The following GNAO1 variants were observed in gnomAD, a reference collection of about 807,000 sequenced individuals.
GNAO1 encodes the protein guanine nucleotide-binding protein G(o) subunit alpha.
For synonymous variants in GNAO1, 164 were observed against 180.7 expected (o/e 0.91, Z 0.74); for missense variants, 166 against 478.7 (o/e 0.35, Z 6.10).
chr16:56,262,602 C>T (rs1435929859), intron 2 of GNAO1, among the ~76,000 whole-genome samples: 3 of 152,116 alleles, frequency 2.0e-5, no homozygotes, highest in African/African-American at 4.8e-5. Context: ...GCCGTACTTG[C>T]GCATTCTCCA....
chr16:56,256,427 G>A (rs922430959), intron 2 of GNAO1, among the ~76,000 whole-genome samples: 3 of 152,168 alleles, frequency 2.0e-5, no homozygotes, highest in African/African-American at 7.2e-5. Context: ...AGTTCTTTCC[G>A]GCATCCATGG....
intron 2 of GNAO1, among the ~76,000 whole-genome samples, chr16:56,238,934 T>C (rs2036668319): frequency 6.6e-6 from 1 of 152,388 alleles, no homozygotes; most frequent in African/African-American, 2.4e-5. Flanking sequence ...CACATAATTT[T>C]ATTGGCCCTC....
chr16:56,325,345 A>G (rs1383211869), intron 3 of GNAO1, among the ~76,000 whole-genome samples: 8 of 152,180 alleles, frequency 5.3e-5, no homozygotes, highest in Non-Finnish European at 8.8e-5. Context: ...GCGTGGTGGC[A>G]CATGCCTGTA....
intron 2 of GNAO1, among the ~76,000 whole-genome samples, chr16:56,256,738 G>A (rs534226243): frequency 1.1e-4 from 17 of 151,268 alleles, no homozygotes; most frequent in Non-Finnish European, 2.4e-4. Context: ...GTGTGTGTGT[G>A]TGTGTGTGTG....
At chr16:56,266,506 G>A (rs1010496185) in intron 2 of GNAO1, among the ~76,000 whole-genome samples, 1 of 152,170 alleles carries the variant, frequency 6.6e-6, no homozygotes, top group Admixed American at 6.5e-5. Flanking sequence ...TTCAAAACAT[G>A]GATACTGTCT....
chr16:56,342,152 G>A lies in GNAO1; in HGVS notation c.723+5292G>A, dbSNP rs773315764. Among the ~76,000 whole-genome samples the A allele has an allele frequency of 1.5e-4, 23 of 152,290 alleles. No homozygotes were observed. In the South Asian group the frequency reaches 1.7e-3, roughly 11 times the overall value. ...CCTGTGGATCCTGCCCTAGTGACCC[G>A]GGCTTGTGGCCTGTGGGGCAGTGGA... On this transcript the variant is annotated intron_variant, in intron 6 of 8. Coordinates refer to ENST00000262493, the MANE Select transcript of GNAO1 (RefSeq NM_020988.3).
chr16:56,243,721 A>G (rs1416420181), intron 2 of GNAO1, among the ~76,000 whole-genome samples: 2 of 152,164 alleles, frequency 1.3e-5, no homozygotes, highest in Admixed American at 6.5e-5. Context: ...AGAATTGACT[A>G]TAGTGATGGT....
At chr16:56,217,865 T>C (rs2036449433) in intron 2 of GNAO1, among the ~76,000 whole-genome samples, 1 of 152,176 alleles carries the variant, frequency 6.6e-6, no homozygotes, top group Non-Finnish European at 1.5e-5. Context: ...ACGATCTTAT[T>C]CCTGAGTAGC....
intron 2 of GNAO1, among the ~76,000 whole-genome samples, chr16:56,261,052 A>G (rs2036899176): frequency 6.6e-6 from 1 of 152,254 alleles, no homozygotes; most frequent in Non-Finnish European, 1.5e-5. Context: ...CAATGCAGAC[A>G]TAGCCATCTT....
chr16:56,316,251 C>T (rs547890644), intron 3 of GNAO1, among the ~76,000 whole-genome samples: 67 of 152,152 alleles, frequency 4.4e-4, no homozygotes, highest in Admixed American at 9.8e-4. Flanking sequence ...TGTCCCAGGC[C>T]CCAACACATG....
In GNAO1 at chr16:56,192,726, G is replaced by GCACACACA. The variant is rs60037687; in HGVS notation, c.161+128_161+135dup. Reference sequence around the variant, plus strand: ...TCTCCAGGCCTGTTTTTTAATTCGTGCACACACACACACACACACACACAC... The same window carrying GCACACACA: ...TCTCCAGGCCTGTTTTTTAATTCGTGCACACACACACACACACACACACACACACACAC... On this transcript the variant is annotated intron_variant, in intron 2 of 8. Coordinates refer to ENST00000262493, the MANE Select transcript of GNAO1 (RefSeq NM_020988.3). The GCACACACA allele has an allele frequency of 1.8e-3, 1,015 of 564,912 alleles. 1 individual carries two copies. The highest frequency in any genetic ancestry group is 1.9e-3 in the Non-Finnish European group (581 of 302,556). The allele number at this position is 564,912 out of a possible 1,614,324, so 35.0% of individuals were successfully genotyped here.
chr16:56,266,747 T>A (rs56256601), intron 2 of GNAO1, among the ~76,000 whole-genome samples: 2,003 of 152,232 alleles, frequency 0.013, 33 homozygotes, highest in South Asian at 0.051. Flanking sequence ...ATTGTCCCCA[T>A]TTTACAGGGG....
intron 2 of GNAO1, among the ~76,000 whole-genome samples, chr16:56,219,771 T>C (rs953090978): frequency 1.1e-4 from 17 of 152,148 alleles, no homozygotes; most frequent in African/African-American, 4.1e-4. Context: ...GGAAGAAGCC[T>C]GAAACCCCCG....
chr16:56,337,861 A>T (rs1166518612), intron 6 of GNAO1, among the ~76,000 whole-genome samples: 3 of 151,634 alleles, frequency 2.0e-5, no homozygotes, highest in African/African-American at 7.3e-5. Context: ...AAGCCCCAAC[A>T]CTCCTGACAG....
At chr16:56,310,899 C>A (rs968119480) in intron 3 of GNAO1, among the ~76,000 whole-genome samples, 2 of 152,050 alleles carry the variant, frequency 1.3e-5, no homozygotes, top group Non-Finnish European at 2.9e-5. Context: ...ACCACCACCC[C>A]CTAGGATTTT....
intron 2 of GNAO1, among the ~76,000 whole-genome samples, chr16:56,206,802 T>C (rs1172440126): frequency 6.6e-6 from 1 of 152,220 alleles, no homozygotes; most frequent in African/African-American, 2.4e-5. Flanking sequence ...AGGGAGCAAG[T>C]CTGGAAACAG....
intron 6 of GNAO1, among the ~76,000 whole-genome samples, chr16:56,348,653 G>C (rs1001045240): frequency 6.6e-6 from 1 of 152,182 alleles, no homozygotes; most frequent in Non-Finnish European, 1.5e-5. Flanking sequence ...TTCCTCTGGG[G>C]AGCTTGTAAG....
chr16:56,201,785 A>G (rs1270243755), intron 2 of GNAO1, among the ~76,000 whole-genome samples: 1 of 152,216 alleles, frequency 6.6e-6, no homozygotes, highest in Non-Finnish European at 1.5e-5. Context: ...GGTTTGGGCT[A>G]CTGGTGGATG....
chr16:56,330,771 G>A (rs183099519), intron 4 of GNAO1, among the ~76,000 whole-genome samples: 2 of 152,314 alleles, frequency 1.3e-5, no homozygotes, highest in African/African-American at 4.8e-5. Flanking sequence ...CTTTAAATAA[G>A]AAACTTGAGT....
Sources: gnomAD v4.1 joint callset for allele counts (sites outside exome capture counted in the v4.1 genomes callset) on GRCh38, gnomAD v4.1.1 for gene constraint, MANE v1.5 for transcripts, NCBI Gene and HGNC (gene_info 2026-07-23, HGNC 2026-07-21) for gene names.